The following NRXN3 variants were observed in gnomAD, a reference collection of about 807,000 sequenced individuals.
The protein encoded by NRXN3 is neurexin 3.
In NRXN3, 32 loss-of-function variants were observed where a neutral mutation model predicts 137.6. That is an observed-to-expected ratio of 0.23 (90% CI 0.18 to 0.31). NRXN3 has a LOEUF of 0.31. Ranked by LOEUF, NRXN3 falls within the 10% of genes least tolerant of loss-of-function variation. NRXN3 has a pLI of 1.00. For synonymous variants in NRXN3, 798 were observed against 784.5 expected (o/e 1.02, Z -0.29); for missense variants, 1,574 against 2,062.5 (o/e 0.76, Z 4.59).
chr14:78,393,811 T>C (rs1343115743), intron 4 of NRXN3, among the ~76,000 whole-genome samples: 3 of 152,022 alleles, frequency 2.0e-5, no homozygotes, highest in Non-Finnish European at 2.9e-5. Flanking sequence ...GTTTTCAGCA[T>C]ACAAATTCTG....
intron 9 of NRXN3, among the ~76,000 whole-genome samples, chr14:78,806,062 T>TCC (rs35101657): frequency 1.2e-4 from 17 of 138,012 alleles, no homozygotes; most frequent in South Asian, 2.3e-4. Flanking sequence ...TTTTTTTTTT[T>TCC]CCCCTTTGGC....
intron 19 of NRXN3, among the ~76,000 whole-genome samples, chr14:79,779,399 C>T (rs2099107079): frequency 6.6e-6 from 1 of 152,144 alleles, no homozygotes; most frequent in Non-Finnish European, 1.5e-5. Context: ...AGGCGTGAGC[C>T]ACCATGCCCG....
At chr14:79,661,761 CCTT>C (rs1452278351) in intron 16 of NRXN3, 2 of 151,114 alleles carry the variant, frequency 1.3e-5, no homozygotes, top group Admixed American at 6.6e-5. Context: ...TGGTTTTCCT[CCTT>C]CTCTTCCTTT....
intron 16 of NRXN3, among the ~76,000 whole-genome samples, chr14:79,564,383 CT>C (rs1280482216): frequency 6.6e-6 from 1 of 152,080 alleles, no homozygotes; most frequent in Non-Finnish European, 1.5e-5. Flanking sequence ...TGCCAGGTAT[CT>C]TTAGTAGAAT....
intron 15 of NRXN3, among the ~76,000 whole-genome samples, chr14:79,309,052 G>T (rs2086706586): frequency 1.0e-5 from 1 of 97,952 alleles, no homozygotes; most frequent in Non-Finnish European, 2.0e-5. Context: ...TCTAGCATTA[G>T]GTATATCTCC....
intron 20 of NRXN3, among the ~76,000 whole-genome samples, chr14:79,808,251 A>AT (rs1195356128): frequency 1.8e-3 from 237 of 133,748 alleles, no homozygotes; most frequent in East Asian, 4.2e-3. Flanking sequence ...AAAAAAAAAA[A>AT]AAAAATATAT....
intron 15 of NRXN3, among the ~76,000 whole-genome samples, chr14:79,276,254 C>T (rs182855005): frequency 1.6e-4 from 24 of 151,930 alleles, no homozygotes; most frequent in African/African-American, 4.8e-4. Flanking sequence ...GAAAAGAAGT[C>T]GAAATAGGAA....
intron 10 of NRXN3, among the ~76,000 whole-genome samples, chr14:78,840,602 T>C (rs556805464): frequency 8.5e-5 from 13 of 152,244 alleles, no homozygotes; most frequent in Admixed American, 7.2e-4. Flanking sequence ...TGTGTCATCA[T>C]TGTTAAGGGA....
chr14:79,151,435 C>T (rs747540058), intron 15 of NRXN3, among the ~76,000 whole-genome samples: 2 of 152,052 alleles, frequency 1.3e-5, no homozygotes, highest in Non-Finnish European at 2.9e-5. Flanking sequence ...TGATTCAGAA[C>T]AGAACGCCAC....
At chr14:78,505,445 G>A (rs2095968747) in intron 4 of NRXN3, among the ~76,000 whole-genome samples, 1 of 152,068 alleles carries the variant, frequency 6.6e-6, no homozygotes, top group Non-Finnish European at 1.5e-5. Context: ...TGCTGGGTGG[G>A]ATCTATGGTG....
rs76974095 is a variant in NRXN3 at position 78,768,686 on chromosome 14, G to A, written c.2045-34934G>A. On this transcript the variant is annotated intron_variant, in intron 8 of 20. Coordinates refer to ENST00000335750, the MANE Select transcript of NRXN3 (RefSeq NM_001330195.2). ...AATATCTTTCTATCCTTAAAGGCCC[G>A]GCACAGTGCTAAGTACATAGTACAC... 5.2e-3 allele frequency among the ~76,000 whole-genome samples: 793 copies of A among 152,144 alleles called. 6 individuals are homozygous for A. The highest frequency in any genetic ancestry group is 0.017 in the African/African-American group (692 of 41,502).
chr14:79,030,475 G>A (rs1479774187), intron 15 of NRXN3, among the ~76,000 whole-genome samples: 2 of 151,902 alleles, frequency 1.3e-5, no homozygotes, highest in Admixed American at 6.6e-5. Context: ...AGGGCAAGGT[G>A]TAATTTAGCT....
At chr14:79,356,486 CA>C (rs1258974768) in intron 15 of NRXN3, among the ~76,000 whole-genome samples, 2 of 152,212 alleles carry the variant, frequency 1.3e-5, no homozygotes, top group East Asian at 1.9e-4. Flanking sequence ...AAATCGTGTT[CA>C]AAAGAGTGTT....
intron 9 of NRXN3, among the ~76,000 whole-genome samples, chr14:78,809,428 T>C (rs1005018295): frequency 1.6e-4 from 24 of 152,320 alleles, no homozygotes; most frequent in African/African-American, 5.5e-4. Context: ...TCAGTCTGCG[T>C]ATTCAGGCAG....
intron 1 of NRXN3, among the ~76,000 whole-genome samples, chr14:78,210,636 C>T (rs906764931): frequency 1.3e-5 from 2 of 151,852 alleles, no homozygotes; most frequent in African/African-American, 4.8e-5. Flanking sequence ...ATTTCCATCA[C>T]CCCCAAAAAG....
intron 15 of NRXN3, among the ~76,000 whole-genome samples, chr14:79,337,825 G>A (rs2092361257): frequency 6.6e-6 from 1 of 152,070 alleles, no homozygotes; most frequent in Non-Finnish European, 1.5e-5. Context: ...GGCTCTTGAG[G>A]TCAGGTTTTT....
intron 1 of NRXN3, among the ~76,000 whole-genome samples, chr14:78,189,785 C>T (rs769368836): frequency 6.6e-6 from 1 of 152,112 alleles, no homozygotes; most frequent in African/African-American, 2.4e-5. Context: ...GGGATTTCAC[C>T]ATGTTGGTGA....
chr14:79,049,107 G>T (rs1351546531), intron 15 of NRXN3, among the ~76,000 whole-genome samples: 1 of 99,522 alleles, frequency 1.0e-5, no homozygotes, highest in African/African-American at 4.1e-5. Context: ...ATGATGGGGT[G>T]TGCTGCATTG....
chr14:79,261,421 G>A (rs963582312), intron 15 of NRXN3, among the ~76,000 whole-genome samples: 1 of 152,140 alleles, frequency 6.6e-6, no homozygotes, highest in Non-Finnish European at 1.5e-5. Flanking sequence ...TAGAGATGCA[G>A]AAAGGGCACA....
Sources: gnomAD v4.1 joint callset for allele counts (sites outside exome capture counted in the v4.1 genomes callset) on GRCh38, gnomAD v4.1.1 for gene constraint, MANE v1.5 for transcripts, NCBI Gene and HGNC (gene_info 2026-07-23, HGNC 2026-07-21) for gene names.